The following VWA8 variants were observed in gnomAD, a reference collection of about 807,000 sequenced individuals.
VWA8 encodes von Willebrand factor A domain containing 8, also known as von Willebrand factor A domain-containing protein 8.
A neutral mutation model predicts 241.5 loss-of-function variants in VWA8; 221 were observed. The observed-to-expected ratio is 0.91, with a 90% CI of 0.82 to 1.02. VWA8 has a LOEUF of 1.02. Among genes scored for constraint, VWA8 ranks in the 50% least tolerant of loss-of-function variants. The pLI is 0.00. For synonymous variants in VWA8, 852 were observed against 827.1 expected, an observed-to-expected ratio of 1.03 and a Z score of -0.52; for missense variants, 2,322 against 2,328.7, an observed-to-expected ratio of 1.00 and a Z score of 0.06.
Position 41,865,884 on chromosome 13 carries a change from T to C in VWA8, c.1347+18A>G. ...AAGCCAGGAAACTAAAAGTCTGCAG[T>C]GAGACTGTCATTCTTACCTTTCCTC... On this transcript the variant is annotated intron_variant, in intron 11 of 44. Coordinates refer to ENST00000379310, the MANE Select transcript of VWA8 (RefSeq NM_015058.2). 2 of 1,614,210 alleles carry C rather than the reference T, an allele frequency of 1.2e-6. No homozygotes were observed. Among genetic ancestry groups the C allele is most frequent in the Middle Eastern group, 1.6e-4 (1 of 6,062 alleles).
At chr13:41,739,848 G>GTTTTTTTTTT (rs1179107917) in intron 21 of VWA8, among the ~76,000 whole-genome samples, 16 of 50,912 alleles carry the variant, frequency 3.1e-4, no homozygotes, top group Non-Finnish European at 5.3e-4. Flanking sequence ...TGTTTTTTTT[G>GTTTTTTTTTT]TTTTTTTTGT....
At chr13:41,672,760 A>G (rs2137800618) in intron 36 of VWA8, among the ~76,000 whole-genome samples, 1 of 152,328 alleles carries the variant, frequency 6.6e-6, no homozygotes, top group Middle Eastern at 3.4e-3. Context: ...AAGGGCTCAA[A>G]GAAGGTAACA....
intron 17 of VWA8, among the ~76,000 whole-genome samples, chr13:41,792,585 T>C (rs2137949786): frequency 6.6e-6 from 1 of 152,144 alleles, no homozygotes; most frequent in Non-Finnish European, 1.5e-5. Flanking sequence ...ATTTCTTGGC[T>C]ATTAGTAGCC....
intron 2 of VWA8, among the ~76,000 whole-genome samples, chr13:41,930,245 T>G (rs1397928277): frequency 6.6e-6 from 1 of 152,056 alleles, no homozygotes; most frequent in East Asian, 1.9e-4. Flanking sequence ...GGCAAGGGTG[T>G]GGAGAAAAGA....
intron 21 of VWA8, among the ~76,000 whole-genome samples, chr13:41,736,722 T>C (rs1341966432): frequency 6.6e-6 from 1 of 151,976 alleles, no homozygotes; most frequent in East Asian, 1.9e-4. Context: ...TTATAGTTCA[T>C]TAAAACAGAA....
At chr13:41,621,905 C>T (rs186366985) in intron 37 of VWA8, among the ~76,000 whole-genome samples, 24 of 152,272 alleles carry the variant, frequency 1.6e-4, no homozygotes, top group East Asian at 5.8e-4. Context: ...GCTGGGAAAT[C>T]GGGCTGTTCA....
At position 41,719,620 on chromosome 13, in the gene VWA8, T is replaced by C. The variant is rs766895502; in HGVS notation, c.3087A>G (p.Ala1029=). The C allele has an allele frequency of 8.1e-6, 13 of 1,613,146 alleles. No homozygotes were observed. The South Asian group carries it at 1.4e-4, about 18-fold the overall frequency. ...TLHKYGIPIG[A]KPTSVQLAKE... is the part of the protein sequence containing the mutation. ...TTGCCAGCTGCACACTGGTAGGCTT[T>C]GCTCCGATAGGTATCCCGTATTTGT... The change falls in exon 26 of 45, where the codon GCA becomes GCG. Residue 1029 remains alanine (A), a synonymous_variant. Coordinates refer to ENST00000379310, the MANE Select transcript of VWA8 (RefSeq NM_015058.2).
chr13:41,941,383 C>A (rs1269810518), intron 2 of VWA8, among the ~76,000 whole-genome samples: 1 of 152,162 alleles, frequency 6.6e-6, no homozygotes, highest in Non-Finnish European at 1.5e-5. Flanking sequence ...CTGTTGAACG[C>A]TATCAGGCAA....
At chr13:41,760,167 TTTCTTTTCC>T (rs1366866847) in intron 21 of VWA8, among the ~76,000 whole-genome samples, 1 of 151,766 alleles carries the variant, frequency 6.6e-6, no homozygotes, top group East Asian at 1.9e-4. Flanking sequence ...CCTAGTAGTT[TTTCTTTTCC>T]TAGTGTTTGT....
chr13:41,571,115 A>G (rs763062784), intron 43 of VWA8, among the ~76,000 whole-genome samples: 4 of 152,234 alleles, frequency 2.6e-5, no homozygotes, highest in Non-Finnish European at 2.9e-5. Context: ...ACTCACGTCA[A>G]TAACGATGGA....
Position 41,701,513 on chromosome 13 carries a change from A to G in VWA8, c.3243T>C (p.Asn1081=). 1 of 1,607,376 alleles carries G rather than the reference A, an allele frequency of 6.2e-7. No homozygotes were observed. Among genetic ancestry groups the G allele is most frequent in the Non-Finnish European group, 8.5e-7 (1 of 1,177,406 alleles). The change falls in exon 28 of 45, where the codon AAT becomes AAC. Residue 1081 remains asparagine (N), a synonymous_variant. Transcript: ENST00000379310. ...HIDIKGPALI[N]IQEYPIERHE... ...GTCTTTCTATTGGATACTCCTGTAT[A>G]TTTATAAGTGCTGGACCCTATAATA...
At chr13:41,877,071 C>A (rs568340871) in intron 9 of VWA8, among the ~76,000 whole-genome samples, 23 of 152,124 alleles carry the variant, frequency 1.5e-4, no homozygotes, top group African/African-American at 2.4e-5. Context: ...ATTTTCAAGT[C>A]TGCTAGATAA....
At chr13:41,816,622 A>G in intron 16 of VWA8, 76 bp downstream of exon 16, 2 of 1,376,766 alleles carry the variant, frequency 1.5e-6, no homozygotes, top group Non-Finnish European at 2.0e-6. Context: ...AATAGATTTT[A>G]AGTACTGAAT....
chr13:41,572,469 G>C (rs2044314054), intron 43 of VWA8, among the ~76,000 whole-genome samples: 1 of 152,146 alleles, frequency 6.6e-6, no homozygotes. Context: ...TTCTGCCTTG[G>C]GATGCTGTTA....
chr13:41,776,131 C>T (rs1868581599), intron 20 of VWA8, among the ~76,000 whole-genome samples: 1 of 152,146 alleles, frequency 6.6e-6, no homozygotes, highest in Admixed American at 6.5e-5. Flanking sequence ...AAAAATTATT[C>T]CTCAAGCCCC....
intron 3 of VWA8, among the ~76,000 whole-genome samples, chr13:41,908,269 C>A (rs1024655716): frequency 1.3e-5 from 2 of 152,170 alleles, no homozygotes; most frequent in Non-Finnish European, 2.9e-5. Flanking sequence ...AGTTCGAGAC[C>A]AGCCTGGCCA....
chr13:41,660,055 C>G (rs1419119471), intron 37 of VWA8, among the ~76,000 whole-genome samples: 2 of 152,094 alleles, frequency 1.3e-5, no homozygotes, highest in African/African-American at 4.8e-5. Flanking sequence ...TGGGCTCTAG[C>G]CTTCCCATAA....
intron 18 of VWA8, among the ~76,000 whole-genome samples, chr13:41,784,695 T>A (rs1566456152): frequency 1.7e-5 from 1 of 57,536 alleles, no homozygotes; most frequent in Non-Finnish European, 3.6e-5. Flanking sequence ...CATATACATA[T>A]ACATATATAT....
intron 26 of VWA8, among the ~76,000 whole-genome samples, chr13:41,710,366 G>T (rs865781565): frequency 1.3e-5 from 2 of 152,148 alleles, no homozygotes; most frequent in Non-Finnish European, 2.9e-5. Flanking sequence ...CTGTGCTACT[G>T]CATGCATGAG....
Sources: allele counts gnomAD v4.1 joint callset (sites outside exome capture counted in the v4.1 genomes callset), GRCh38; gene constraint gnomAD v4.1.1; transcripts MANE v1.5; gene names NCBI Gene and HGNC (gene_info 2026-07-23, HGNC 2026-07-21).